Variants in TIMP2 observed in about 807,000 individuals in gnomAD.
The protein encoded by TIMP2 is metalloproteinase inhibitor 2.
A neutral mutation model predicts 24.3 loss-of-function variants in TIMP2; 5 were observed. The observed-to-expected ratio is 0.21, with a 90% confidence interval of 0.11 to 0.43. The LOEUF (loss-of-function observed/expected upper bound fraction) is 0.43. TIMP2 is among the 20% of genes least tolerant of loss of function. TIMP2 has a pLI of 1.00. For synonymous variants in TIMP2, 130 were observed against 123.2 expected (o/e 1.06, Z -0.37); for missense variants, 221 against 297.5 (o/e 0.74, Z 1.89).
At chr17:78,889,016 C>T (rs552377948) in intron 1 of TIMP2, among the ~76,000 whole-genome samples, 1 of 152,288 alleles carries the variant, frequency 6.6e-6, no homozygotes, top group East Asian at 1.9e-4. Flanking sequence ...CAAACTATGG[C>T]ACAAAGGGCA....
intron 3 of TIMP2, among the ~76,000 whole-genome samples, chr17:78,858,555 C>G (rs868571017): frequency 4.6e-5 from 7 of 152,138 alleles, no homozygotes; most frequent in African/African-American, 1.4e-4. Flanking sequence ...CAGTCTTGCT[C>G]TGTCGCTCAG....
intron 2 of TIMP2, among the ~76,000 whole-genome samples, chr17:78,873,018 A>G (rs1199111675): frequency 1.3e-5 from 2 of 151,996 alleles, no homozygotes; most frequent in African/African-American, 4.8e-5. Flanking sequence ...TAGTAGATAC[A>G]TGGGGTTTCT....
At chr17:78,882,423 C>T (rs2069787874) in intron 1 of TIMP2, among the ~76,000 whole-genome samples, 1 of 152,224 alleles carries the variant, frequency 6.6e-6, no homozygotes, top group Non-Finnish European at 1.5e-5. Context: ...GGACAGATGT[C>T]CAGTAACACA....
intron 1 of TIMP2, chr17:78,900,156 T>C (rs1214164372): frequency 6.6e-6 from 1 of 152,196 alleles, no homozygotes; most frequent in East Asian, 1.9e-4. Flanking sequence ...AGAATGCAAT[T>C]TGGGTTTTTT....
In TIMP2 at chr17:78,893,796, G is replaced by A. The variant is rs138657459; in HGVS notation, c.131-19877C>T. ...AATGATCAGAGAAGGACTCTTCCAG[G>A]TCTCTTTGGCATCAGGAAGGGACCC... is the stretch of plus-strand genomic sequence containing the variant. On this transcript the variant is annotated intron_variant, in intron 1 of 4. Coordinates refer to ENST00000262768, the MANE Select transcript of TIMP2 (RefSeq NM_003255.5). Among the ~76,000 whole-genome samples the A allele has an allele frequency of 2.6e-3, 398 of 152,170 alleles. 1 individual carries two copies. Among genetic ancestry groups the A allele is most frequent in the African/African-American group, 9.1e-3 (379 of 41,488 alleles).
chr17:78,861,818 G>C (rs2069569321), intron 3 of TIMP2, among the ~76,000 whole-genome samples: 1 of 152,032 alleles, frequency 6.6e-6, no homozygotes, highest in African/African-American at 2.4e-5. Context: ...GGCTGGGCTG[G>C]TCTTGAACTC....
At chr17:78,883,184 A>G (rs2069793890) in intron 1 of TIMP2, among the ~76,000 whole-genome samples, 1 of 152,226 alleles carries the variant, frequency 6.6e-6, no homozygotes. Context: ...GGGAAGCAGG[A>G]AAGACCTCAG....
chr17:78,855,044 T>G lies in TIMP2; in HGVS notation c.*623A>C, dbSNP rs1215344960. On this transcript the variant is annotated 3_prime_UTR_variant, in exon 5 of 5. Coordinates refer to ENST00000262768, the MANE Select transcript of TIMP2 (RefSeq NM_003255.5). The surrounding 1 kb of genome is among the most constrained non-coding windows in gnomAD (Gnocchi z 6.0). ...CTCAGAGGGAGGCTCCCACTGGAAT[T>G]CTGAGGATTAATAGGATTGATGGGG... The G allele has an allele frequency of 6.5e-6, 1 of 152,694 alleles. No individual in the cohort carries two copies. Among genetic ancestry groups the G allele is most frequent in the African/African-American group, 2.4e-5 (1 of 41,318 alleles). The allele number at this position is 152,694 out of a possible 1,614,324, so 9.5% of individuals were successfully genotyped here.
At chr17:78,913,595 C>A (rs7223022) in intron 1 of TIMP2, among the ~76,000 whole-genome samples, 11,304 of 152,118 alleles carry the variant, frequency 0.074, 473 homozygotes, top group Middle Eastern at 0.13. Flanking sequence ...CCCATAGTTC[C>A]AGCTACTTGA....
chr17:78,908,477 T>C (rs952882759), intron 1 of TIMP2, among the ~76,000 whole-genome samples: 2 of 152,212 alleles, frequency 1.3e-5, no homozygotes, highest in Non-Finnish European at 2.9e-5. Context: ...ACATGCCTCT[T>C]GGCCAAAAGG....
intron 1 of TIMP2, among the ~76,000 whole-genome samples, chr17:78,875,837 C>T (rs2069723053): frequency 6.6e-6 from 1 of 152,192 alleles, no homozygotes; most frequent in Non-Finnish European, 1.5e-5. Flanking sequence ...CTGTGTCCAT[C>T]CCCCTGGGCC....
intron 1 of TIMP2, among the ~76,000 whole-genome samples, chr17:78,911,563 G>A (rs1034601032): frequency 3.9e-5 from 6 of 152,016 alleles, no homozygotes; most frequent in Non-Finnish European, 5.9e-5. Context: ...GAGTAGCTGG[G>A]ATTACAGGTA....
In TIMP2 at chr17:78,891,794, C is replaced by T. The variant is rs569558922; in HGVS notation, c.131-17875G>A. The T allele has an allele frequency of 1.1e-5, 17 of 1,551,038 alleles. No individual in the cohort carries two copies. The highest frequency in any genetic ancestry group is 2.7e-5 in the African/African-American group (2 of 73,172). ...GCTCCTCCGAGGATGGATGGCACAG[C>T]GGCCACCCCCAGACTTGGTCGAAGG... On this transcript the variant is annotated intron_variant, in intron 1 of 4. Coordinates refer to ENST00000262768, the MANE Select transcript of TIMP2 (RefSeq NM_003255.5). This position sits in a 1 kb window ranked among gnomAD's most constrained non-coding sequence, Gnocchi z 4.5.
intron 1 of TIMP2, chr17:78,897,096 C>A (rs1186241113): frequency 2.4e-6 from 1 of 423,542 alleles, no homozygotes; most frequent in Non-Finnish European, 2.8e-6. Context: ...ACAGACAGCA[C>A]CCCCCCGCCC....
At chr17:78,871,137 A>T in intron 2 of TIMP2, 131 bp from the exon 3 acceptor site, 1 of 658,838 alleles carries the variant, frequency 1.5e-6, no homozygotes, top group East Asian at 2.8e-5. Flanking sequence ...AGGACCAGGA[A>T]GTGCAAATAC....
At chr17:78,871,704 G>T (rs1599149647) in intron 2 of TIMP2, among the ~76,000 whole-genome samples, 1 of 150,620 alleles carries the variant, frequency 6.6e-6, no homozygotes, top group South Asian at 2.1e-4. Flanking sequence ...AATTTAGCTG[G>T]GCGTGGTGGC....
At chr17:78,866,632 C>A (rs2069619994) in intron 3 of TIMP2, among the ~76,000 whole-genome samples, 1 of 151,900 alleles carries the variant, frequency 6.6e-6, no homozygotes, top group Non-Finnish European at 1.5e-5. Flanking sequence ...CAAACGGTGG[C>A]AACAACCCAA....
chr17:78,863,981 G>A (rs537320979), intron 3 of TIMP2, among the ~76,000 whole-genome samples: 1 of 152,288 alleles, frequency 6.6e-6, no homozygotes, highest in East Asian at 1.9e-4. Flanking sequence ...CGAGTCAGGT[G>A]TCAGAGCACA....
At chr17:78,886,810 G>A (rs1024133652) in intron 1 of TIMP2, among the ~76,000 whole-genome samples, 1 of 151,732 alleles carries the variant, frequency 6.6e-6, no homozygotes, top group Admixed American at 6.6e-5. Flanking sequence ...CTGCAGCCTC[G>A]ACCTCCCAGG....
Sources: allele counts gnomAD v4.1 joint callset (sites outside exome capture counted in the v4.1 genomes callset), GRCh38; gene constraint gnomAD v4.1.1; non-coding constraint Gnocchi (gnomAD v3.1); transcripts MANE v1.5; gene names NCBI Gene and HGNC (gene_info 2026-07-23, HGNC 2026-07-21).